The following ASCC3 variants were observed in gnomAD, a reference collection of about 807,000 sequenced individuals.
ASCC3 encodes ASC-1 complex subunit P200.
In ASCC3, 158 loss-of-function variants were observed where a neutral mutation model predicts 256.3. The observed-to-expected ratio is 0.62, with a 90% CI of 0.54 to 0.70. The LOEUF (loss-of-function observed/expected upper bound fraction) is 0.70, where lower values mean the gene tolerates loss of function less well. Among genes scored for constraint, ASCC3 ranks in the 30% least tolerant of loss-of-function variants. ASCC3 has a pLI of 0.00. For synonymous variants in ASCC3, 948 were observed against 883.4 expected (o/e 1.07, Z -1.30); for missense variants, 2,259 against 2,626.0 (o/e 0.86, Z 3.05).
At chr6:100,608,045 C>T (rs1227184536) in intron 30 of ASCC3, among the ~76,000 whole-genome samples, 4 of 51,328 alleles carry the variant, frequency 7.8e-5, no homozygotes, top group South Asian at 6.6e-4. Flanking sequence ...TATATACATA[C>T]ATATACATAT....
At chr6:100,717,980 G>C (rs1779162724) in intron 12 of ASCC3, 95 bp downstream of exon 12, 2 of 1,210,452 alleles carry the variant, frequency 1.7e-6, no homozygotes, top group Non-Finnish European at 2.4e-6. Flanking sequence ...ACCACAAAAG[G>C]CTGAAATGGT....
intron 10 of ASCC3, among the ~76,000 whole-genome samples, chr6:100,735,459 T>A (rs202055909): frequency 1.1e-3 from 1 of 888 alleles, no homozygotes; most frequent in African/African-American, 1.2e-3. Context: ...ACATCTTATT[T>A]TTTTTTTTTT....
intron 34 of ASCC3, among the ~76,000 whole-genome samples, chr6:100,590,745 T>C (rs1164504638): frequency 2.0e-5 from 3 of 151,994 alleles, no homozygotes; most frequent in South Asian, 4.1e-4. Flanking sequence ...CAATTTCAAA[T>C]GGGAGAGGAC....
At chr6:100,780,397 T>G (rs978107313) in intron 8 of ASCC3, among the ~76,000 whole-genome samples, 1 of 152,146 alleles carries the variant, frequency 6.6e-6, no homozygotes, top group Non-Finnish European at 1.5e-5. Flanking sequence ...TCAAAAATCC[T>G]TAATGTGGTC....
intron 13 of ASCC3, among the ~76,000 whole-genome samples, chr6:100,712,993 C>T (rs985342122): frequency 6.6e-6 from 1 of 151,880 alleles, no homozygotes; most frequent in Non-Finnish European, 1.5e-5. Flanking sequence ...CTCCTGACCT[C>T]GTGATCCACC....
chr6:100,761,217 A>G (rs1051067070), intron 10 of ASCC3, among the ~76,000 whole-genome samples: 2 of 152,192 alleles, frequency 1.3e-5, no homozygotes, highest in African/African-American at 4.8e-5. Flanking sequence ...AAGGCCTGGC[A>G]TGGTAGCTGA....
At chr6:100,863,474 CTTATT>C (rs1220445178) in intron 3 of ASCC3, among the ~76,000 whole-genome samples, 2 of 152,214 alleles carry the variant, frequency 1.3e-5, no homozygotes, top group African/African-American at 4.8e-5. Flanking sequence ...TTACTTTATC[CTTATT>C]TTAATCAAGA....
intron 13 of ASCC3, among the ~76,000 whole-genome samples, chr6:100,713,341 G>A (rs1180726109): frequency 6.6e-6 from 1 of 152,100 alleles, no homozygotes; most frequent in East Asian, 1.9e-4. Context: ...ATACTATGTG[G>A]TTCCAACTAC....
intron 36 of ASCC3, among the ~76,000 whole-genome samples, chr6:100,583,837 G>A (rs932199961): frequency 6.6e-5 from 10 of 152,006 alleles, no homozygotes; most frequent in African/African-American, 2.2e-4. Context: ...CCTTCATTTC[G>A]TTATGTACCC....
intron 4 of ASCC3, among the ~76,000 whole-genome samples, chr6:100,823,269 A>G (rs1435325760): frequency 6.6e-6 from 1 of 152,214 alleles, no homozygotes; most frequent in East Asian, 1.9e-4. Context: ...ACTGTTCATA[A>G]AAGTACAGCT....
chr6:100,670,090 G>T lies in ASCC3; in HGVS notation c.2287-7554C>A, dbSNP rs9498040. Among the ~76,000 whole-genome samples, 731 of 151,994 alleles carry T rather than the reference G, an allele frequency of 4.8e-3. 9 individuals carry two copies. The highest frequency in any genetic ancestry group is 0.017 in the African/African-American group (707 of 41,508). ...CTATATGTACTAAACATGCAGTTTA[G>T]TACACAACGGGCCAAGATTATGAAC... On this transcript the variant is annotated intron_variant, in intron 14 of 41. Transcript: ENST00000369162.
intron 10 of ASCC3, among the ~76,000 whole-genome samples, chr6:100,739,859 T>C (rs1562263280): frequency 6.6e-6 from 1 of 152,144 alleles, no homozygotes; most frequent in Non-Finnish European, 1.5e-5. Context: ...GTCTAACAAT[T>C]TTGTTAATTT....
intron 11 of ASCC3, among the ~76,000 whole-genome samples, chr6:100,724,467 C>T (rs940238569): frequency 6.6e-6 from 1 of 151,586 alleles, no homozygotes; most frequent in African/African-American, 2.4e-5. Context: ...TTGGTAAAGA[C>T]AGAAGGGACT....
chr6:100,591,840 T>G (rs1772013213), intron 34 of ASCC3, among the ~76,000 whole-genome samples: 1 of 151,994 alleles, frequency 6.6e-6, no homozygotes, highest in African/African-American at 2.4e-5. Context: ...ATGTCAACTT[T>G]ACCATTTTTA....
intron 25 of ASCC3, among the ~76,000 whole-genome samples, chr6:100,632,249 G>A (rs2114868883): frequency 1.4e-5 from 2 of 146,848 alleles, no homozygotes; most frequent in Non-Finnish European, 1.5e-5. Context: ...AAAGTACTTA[G>A]GAATAAAGTT....
At chr6:100,615,273 C>G (rs240156) in intron 30 of ASCC3, among the ~76,000 whole-genome samples, 91,818 of 152,030 alleles carry the variant, frequency 0.6, 28,195 homozygotes, top group East Asian at 0.73. Context: ...GTGCTCAGCC[C>G]AGCTACTGAT....
At chr6:100,578,627 A>G (rs1582481846) in intron 36 of ASCC3, among the ~76,000 whole-genome samples, 1 of 151,978 alleles carries the variant, frequency 6.6e-6, no homozygotes, top group African/African-American at 2.4e-5. Flanking sequence ...ATAGTTTTCC[A>G]TGGTGTATAT....
Position 100,644,062 on chromosome 6 carries a change from T to A in ASCC3, c.3701A>T (p.His1234Leu), listed in dbSNP as rs757097455. The A allele has an allele frequency of 1.1e-5, 17 of 1,612,574 alleles. No individual in the cohort carries two copies. The highest frequency in any genetic ancestry group is 1.4e-5 in the Non-Finnish European group (17 of 1,179,180). ...VEDPTNDHIY[H>L]SEYFLALKKQ... ...TTTTAGAGCTAGAAAATACTCTGAA[T>A]GATAAATATGATCATTTGTAGGATC... Residue 1234 changes from histidine to leucine, a missense_variant, in exon 23 of 42, where the codon CAT (histidine) becomes CTT (leucine). By Grantham distance (99) the His-to-Leu change is moderately conservative. Transcript: ENST00000369162.
intron 36 of ASCC3, among the ~76,000 whole-genome samples, chr6:100,577,499 C>T (rs1021985692): frequency 3.3e-5 from 5 of 151,998 alleles, no homozygotes; most frequent in South Asian, 2.1e-4. Flanking sequence ...TGATCTGAGG[C>T]CACCGGAAAT....
Sources: gnomAD v4.1 joint callset for allele counts (sites outside exome capture counted in the v4.1 genomes callset) on GRCh38, gnomAD v4.1.1 for gene constraint, MANE v1.5 for transcripts, NCBI Gene and HGNC (gene_info 2026-07-23, HGNC 2026-07-21) for gene names.